Variants in ZMIZ1 observed in about 807,000 individuals in gnomAD.
ZMIZ1 encodes zinc finger MIZ-type containing 1.
ZMIZ1 carries 17 observed loss-of-function variants against 113.9 expected under a neutral mutation model. The ratio of observed to expected loss-of-function variants is 0.15; its 90% CI spans 0.10 to 0.22. The LOEUF (loss-of-function observed/expected upper bound fraction) is 0.22. Ranked by LOEUF, ZMIZ1 falls within the 10% of genes least tolerant of loss-of-function variation. The pLI is 1.00. For missense variants in ZMIZ1, 1,059 were observed against 1,477.8 expected (o/e 0.72, Z 4.65); for synonymous variants, 607 against 603.1 (o/e 1.01, Z -0.09).
chr10:79,151,191 G>C (rs1028938770), intron 3 of ZMIZ1, among the ~76,000 whole-genome samples: 7 of 152,172 alleles, frequency 4.6e-5, no homozygotes, highest in African/African-American at 1.7e-4. Flanking sequence ...GCCATGGGGT[G>C]GCCACAGCTC....
intron 7 of ZMIZ1, among the ~76,000 whole-genome samples, chr10:79,226,395 C>T (rs1849202060): frequency 6.6e-6 from 1 of 152,198 alleles, no homozygotes; most frequent in African/African-American, 2.4e-5. Context: ...CCCGAGCCTT[C>T]CTGCATCTGC....
chr10:79,140,837 C>T (rs991966051), intron 3 of ZMIZ1, among the ~76,000 whole-genome samples: 6 of 152,098 alleles, frequency 3.9e-5, no homozygotes. Flanking sequence ...GGTTGGAGTG[C>T]AGTGACACGA....
intron 2 of ZMIZ1, among the ~76,000 whole-genome samples, chr10:79,130,754 T>A (rs1361672418): frequency 6.6e-6 from 1 of 152,144 alleles, no homozygotes; most frequent in African/African-American, 2.4e-5. Flanking sequence ...GGTAATAATA[T>A]TCTGTCCTTC....
chr10:79,253,891 CAT>C (rs1434638496), intron 7 of ZMIZ1, among the ~76,000 whole-genome samples: 1 of 152,160 alleles, frequency 6.6e-6, no homozygotes, highest in Non-Finnish European at 1.5e-5. Flanking sequence ...CACACACACA[CAT>C]GCTGACACGC....
chr10:79,116,720 A>T (rs140640299), intron 1 of ZMIZ1, among the ~76,000 whole-genome samples: 1 of 152,204 alleles, frequency 6.6e-6, no homozygotes, highest in Non-Finnish European at 1.5e-5. Flanking sequence ...TATCTCCTAC[A>T]TTTGTAGCTT....
chr10:79,272,558 G>GTTTCAGCATGTGC (rs1214134302), intron 7 of ZMIZ1, among the ~76,000 whole-genome samples: 122 of 152,372 alleles, frequency 8.0e-4, no homozygotes, highest in African/African-American at 2.9e-3. Context: ...TCAGCAGTGG[G>GTTTCAGCATGTGC]GGCCATGTGC....
intron 3 of ZMIZ1, among the ~76,000 whole-genome samples, chr10:79,144,380 T>C (rs900907118): frequency 6.6e-6 from 1 of 152,226 alleles, no homozygotes; most frequent in African/African-American, 2.4e-5. Flanking sequence ...TCCAGGCTTA[T>C]AGACTGCCTC....
intron 3 of ZMIZ1, among the ~76,000 whole-genome samples, chr10:79,160,908 T>G (rs983197167): frequency 1.3e-5 from 2 of 152,240 alleles, no homozygotes; most frequent in Non-Finnish European, 2.9e-5. Context: ...GCACAGTGAC[T>G]GTTCACGGCC....
At chr10:79,292,658 C>T (rs973340249) in intron 11 of ZMIZ1, 2 of 497,118 alleles carry the variant, frequency 4.0e-6, no homozygotes, top group African/African-American at 1.9e-5. Flanking sequence ...ACATGGCTCT[C>T]TGGGCCCCCA....
intron 9 of ZMIZ1, 74 bp downstream of exon 9, chr10:79,289,963 G>A: frequency 7.0e-7 from 1 of 1,433,826 alleles, no homozygotes; most frequent in Non-Finnish European, 9.7e-7. Flanking sequence ...AGCCATACCA[G>A]CCCTCTTCAC....
intron 7 of ZMIZ1, among the ~76,000 whole-genome samples, chr10:79,275,483 C>T (rs560092923): frequency 6.6e-6 from 1 of 152,320 alleles, no homozygotes; most frequent in East Asian, 1.9e-4. Flanking sequence ...GCAGCTCTGG[C>T]GACTTCTCGG....
intron 7 of ZMIZ1, among the ~76,000 whole-genome samples, chr10:79,239,473 G>A (rs1453395423): frequency 3.9e-5 from 6 of 152,180 alleles, no homozygotes; most frequent in Non-Finnish European, 8.8e-5. Flanking sequence ...CCCTCTGAGC[G>A]CCTACGCCCG....
chr10:79,203,165 G>C (rs1389697575), intron 5 of ZMIZ1, among the ~76,000 whole-genome samples: 2 of 152,124 alleles, frequency 1.3e-5, no homozygotes, highest in African/African-American at 4.8e-5. Context: ...TACCCACCCA[G>C]CCTTCCCTCC....
intron 4 of ZMIZ1, among the ~76,000 whole-genome samples, chr10:79,201,278 A>G (rs1236838661): frequency 6.6e-6 from 1 of 152,234 alleles, no homozygotes; most frequent in Non-Finnish European, 1.5e-5. Flanking sequence ...ATTGCACTCC[A>G]GCCTAGGTGA....
intron 16 of ZMIZ1, 67 bp downstream of exon 16, chr10:79,299,258 G>A: frequency 6.5e-7 from 1 of 1,539,858 alleles, no homozygotes; most frequent in Non-Finnish European, 8.7e-7. Context: ...GGCTTCCTTG[G>A]GCCCGAGTGG....
At chr10:79,312,492 C>A in intron 24 of ZMIZ1, 150 bp from the exon 25 acceptor site, 1 of 774,766 alleles carries the variant, frequency 1.3e-6, no homozygotes, top group Non-Finnish European at 2.2e-6. Flanking sequence ...CCTGGCAGGC[C>A]CAAGCCCAAG....
intron 23 of ZMIZ1, among the ~76,000 whole-genome samples, chr10:79,310,695 G>A (rs562213598): frequency 7.2e-5 from 11 of 152,172 alleles, no homozygotes; most frequent in East Asian, 3.9e-4. Flanking sequence ...GGGGCTCCAC[G>A]TGGCCCGAGA....
chr10:79,106,932 C>T (rs1170058627), intron 1 of ZMIZ1, among the ~76,000 whole-genome samples: 1 of 152,260 alleles, frequency 6.6e-6, no homozygotes, highest in Non-Finnish European at 1.5e-5. Flanking sequence ...GTGCCCCTGC[C>T]TGAACAGGCA....
chr10:79,173,255 C>T (rs1411916196), intron 4 of ZMIZ1, among the ~76,000 whole-genome samples: 3 of 152,202 alleles, frequency 2.0e-5, no homozygotes, highest in African/African-American at 7.2e-5. Flanking sequence ...AACATAAATT[C>T]GTAAACTTTC....
Sources: gnomAD v4.1 joint callset for allele counts (sites outside exome capture counted in the v4.1 genomes callset) on GRCh38, gnomAD v4.1.1 for gene constraint, MANE v1.5 for transcripts, NCBI Gene and HGNC (gene_info 2026-07-23, HGNC 2026-07-21) for gene names.